CHD6: variants seen among roughly 807,000 people sequenced by gnomAD.
CHD6 encodes chromodomain helicase DNA binding protein 6.
In CHD6, 50 loss-of-function variants were observed where a neutral mutation model predicts 276.9. The ratio of observed to expected loss-of-function variants is 0.18; its 90% CI spans 0.14 to 0.23. The LOEUF (loss-of-function observed/expected upper bound fraction) is 0.23, where lower values mean the gene tolerates loss of function less well. CHD6 is among the 10% of genes least tolerant of loss of function. The pLI is 1.00. For synonymous variants in CHD6, 1,173 were observed against 1,229.3 expected (o/e 0.95, Z 0.96); for missense variants, 2,564 against 3,365.8 (o/e 0.76, Z 5.89).
intron 2 of CHD6, among the ~76,000 whole-genome samples, chr20:41,533,900 C>CAAAA (rs2146077855): frequency 6.6e-6 from 1 of 152,274 alleles, no homozygotes; most frequent in South Asian, 2.1e-4. Context: ...TAGCCACTTG[C>CAAAA]AAAAACCAAA....
intron 1 of CHD6, among the ~76,000 whole-genome samples, chr20:41,606,004 A>C (rs1234722547): frequency 6.6e-6 from 1 of 152,232 alleles, no homozygotes; most frequent in Non-Finnish European, 1.5e-5. Context: ...GTAGGAAAAG[A>C]CAAACATTTA....
At chr20:41,554,721 C>A (rs2045195869) in intron 1 of CHD6, among the ~76,000 whole-genome samples, 1 of 151,732 alleles carries the variant, frequency 6.6e-6, no homozygotes, top group Admixed American at 6.6e-5. Context: ...GGTCACAGAT[C>A]AACAGGATAA....
intron 5 of CHD6, among the ~76,000 whole-genome samples, chr20:41,500,410 T>C (rs528985518): frequency 5.3e-5 from 8 of 152,288 alleles, no homozygotes; most frequent in African/African-American, 1.9e-4. Flanking sequence ...AAAAGAATTA[T>C]GGAAATCAGC....
intron 2 of CHD6, among the ~76,000 whole-genome samples, chr20:41,537,603 G>A (rs2044860596): frequency 6.6e-6 from 1 of 152,086 alleles, no homozygotes; most frequent in Admixed American, 6.5e-5. Context: ...TATCAGATAA[G>A]GGTCTAGTGT....
Position 41,514,872 on chromosome 20 carries a change from A to C in CHD6, c.635T>G (p.Leu212Arg), listed in dbSNP as rs757580974. ...AGATGGGTTCGTCAGGCCCTGATCC[A>C]GCTCTAAACTCTCCACTGTAGTTTC... ...KSETTVESLE[L>R]DQGLTNPSLR... is the part of the protein sequence containing the mutation. The change falls in exon 4 of 37, where the codon CTG (leucine) becomes CGG (arginine). Residue 212 changes from leucine to arginine, a missense_variant. Around this residue, in one of 7 missense-constraint regions of CHD6, gnomAD observed 286 missense variants for 297.8 expected, o/e 0.96. Transcript: ENST00000373233. 3 of 1,614,104 alleles carry C rather than the reference A, an allele frequency of 1.9e-6. No individual in the cohort carries two copies. The highest frequency in any genetic ancestry group is 2.5e-6 in the Non-Finnish European group (3 of 1,179,980).
At chr20:41,535,773 G>A (rs1436710638) in intron 2 of CHD6, among the ~76,000 whole-genome samples, 1 of 152,162 alleles carries the variant, frequency 6.6e-6, no homozygotes, top group Non-Finnish European at 1.5e-5. Context: ...GGCTGAGGCA[G>A]GAGGATCACT....
At position 41,455,821 on chromosome 20, in the gene CHD6, C is replaced by G. The variant is rs754192934; in HGVS notation, c.2988G>C (p.Gly996=). 6 of 1,594,670 alleles carry G rather than the reference C, an allele frequency of 3.8e-6. No individual in the cohort carries two copies. The highest frequency in any genetic ancestry group is 5.1e-6 in the Non-Finnish European group (6 of 1,171,736). Residue 996 remains glycine (G), a synonymous_variant, in exon 19 of 37, where the codon GGG becomes GGC. Coordinates refer to ENST00000373233, the MANE Select transcript of CHD6 (RefSeq NM_032221.5). The part of the protein sequence containing the change: ...RTHTITIQSE[G]KGSTFAKASF... ...GTACCTTGGCAAAAGTGGACCCTTTCCCCTCAGACTGGATGGTGATGGTGT... is the reference window on the plus strand; with the variant it reads ...GTACCTTGGCAAAAGTGGACCCTTTGCCCTCAGACTGGATGGTGATGGTGT...
intron 2 of CHD6, among the ~76,000 whole-genome samples, chr20:41,534,193 C>T (rs2044766965): frequency 6.6e-6 from 1 of 152,188 alleles, no homozygotes. Context: ...TTTCAAGGAA[C>T]AGCACCTTCT....
chr20:41,421,499 C>A lies in CHD6; in HGVS notation c.5136G>T (p.Val1712=). Residue 1712 remains valine, a synonymous_variant, in exon 31 of 37, where the codon GTG becomes GTT. Transcript: ENST00000373233. ...GAAAAGAGCTTGGTTCTTGGCTGAG[C>A]ACCTTCTTACCATACATCATGCTCT... ...SLESMMYGKK[V]LSQEPSSFQE... The A allele has an allele frequency of 6.2e-7, 1 of 1,612,828 alleles. No individual in the cohort carries two copies. The highest frequency in any genetic ancestry group is 1.1e-5 in the South Asian group (1 of 90,636).
intron 1 of CHD6, among the ~76,000 whole-genome samples, chr20:41,554,863 G>A (rs964670096): frequency 2.6e-4 from 39 of 152,302 alleles, no homozygotes; most frequent in Middle Eastern, 3.4e-3. Flanking sequence ...AACCGCCATT[G>A]TCATCATGGC....
chr20:41,449,183 G>A (rs1427043124), intron 23 of CHD6, among the ~76,000 whole-genome samples: 5 of 152,182 alleles, frequency 3.3e-5, no homozygotes, highest in African/African-American at 4.8e-5. Context: ...GATTATAGGC[G>A]TGAACCACTG....
intron 3 of CHD6, among the ~76,000 whole-genome samples, chr20:41,521,286 A>C (rs1243055790): frequency 1.3e-5 from 2 of 152,202 alleles, no homozygotes; most frequent in African/African-American, 4.8e-5. Flanking sequence ...TTCTGGGGGA[A>C]GGGGAAAGTA....
chr20:41,533,288 C>T lies in CHD6; in HGVS notation c.316G>A (p.Gly106Ser). ...RKKKEPGDQE[G>S]AAKGSKDREP... The stretch of plus-strand genomic sequence containing the variant: ...CTGTCCTTGCTTCCCTTTGCTGCAC[C>T]CTCTTGGTCTCCTGGCTCCTTTTTC... Residue 106 changes from glycine to serine, a missense_variant, in exon 3 of 37, where the codon GGT becomes AGT. Gly to Ser is a moderately conservative substitution (Grantham distance 56). Coordinates refer to ENST00000373233, the MANE Select transcript of CHD6 (RefSeq NM_032221.5). The T allele has an allele frequency of 6.2e-7, 1 of 1,613,962 alleles. No individual in the cohort carries two copies. Among genetic ancestry groups the T allele is most frequent in the Admixed American group, 1.7e-5 (1 of 59,974 alleles).
At chr20:41,496,769 C>T (rs1312518409) in intron 8 of CHD6, 1 of 152,236 alleles carries the variant, frequency 6.6e-6, no homozygotes, top group African/African-American at 2.4e-5. Context: ...AAGGAAAAAC[C>T]ACTACTTTGG....
rs115810621 is a variant in CHD6, at chr20:41,455,537, C to G, written c.3009+263G>C. 2.6e-3 allele frequency among the ~76,000 whole-genome samples: 395 copies of G among 152,300 alleles called. 2 individuals carry two copies. The highest frequency in any genetic ancestry group is 9.0e-3 in the African/African-American group (374 of 41,570). On this transcript the variant is annotated intron_variant, in intron 19 of 36. Coordinates refer to ENST00000373233, the MANE Select transcript of CHD6 (RefSeq NM_032221.5). ...GAGCAGTCCTTGCAAACAGAGCCAA[C>G]TGAGAATAGGAGTGTTTATTCTGTC...
intron 10 of CHD6, 144 bp downstream of exon 10, chr20:41,493,394 A>C: frequency 2.5e-6 from 2 of 807,980 alleles, no homozygotes; most frequent in Non-Finnish European, 3.9e-6. Flanking sequence ...GGTGGAAAAC[A>C]CTGAATTGAG....
At chr20:41,405,518 G>A (rs2046650642) in intron 36 of CHD6, 29 bp from the exon 37 acceptor site, 1 of 1,519,552 alleles carries the variant, frequency 6.6e-7, no homozygotes. Context: ...ACAAAATGCT[G>A]AAGGCAACAG....
rs187007888 is a variant in CHD6, at chr20:41,468,876, A to G, written c.2664+4446T>C. 3.9e-3 allele frequency among the ~76,000 whole-genome samples: 592 copies of G among 152,028 alleles called. 3 individuals are homozygous for G. Among genetic ancestry groups the G allele is most frequent in the African/African-American group, 0.014 (562 of 41,466 alleles). Reference sequence around the variant, plus strand: ...CAAAAATTACAAAAATTAGCCAGGCATGGGGCTCATGACTATAACTCCAGC... The same window carrying G: ...CAAAAATTACAAAAATTAGCCAGGCGTGGGGCTCATGACTATAACTCCAGC... On this transcript the variant is annotated intron_variant, in intron 17 of 36. Transcript: ENST00000373233.
intron 17 of CHD6, among the ~76,000 whole-genome samples, chr20:41,466,350 T>C (rs528172120): frequency 6.6e-6 from 1 of 152,302 alleles, no homozygotes; most frequent in Admixed American, 6.5e-5. Flanking sequence ...CTTAACAATA[T>C]ATCCAGGGTA....
Sources: allele counts gnomAD v4.1 joint callset (sites outside exome capture counted in the v4.1 genomes callset), GRCh38; gene constraint gnomAD v4.1.1; regional missense constraint gnomAD v4.1.1; transcripts MANE v1.5; gene names NCBI Gene and HGNC (gene_info 2026-07-23, HGNC 2026-07-21).